Variants in HOOK3 observed in about 807,000 individuals in gnomAD.
HOOK3 encodes the protein protein Hook homolog 3.
A neutral mutation model predicts 116.3 loss-of-function variants in HOOK3; 24 were observed. The ratio of observed to expected loss-of-function variants is 0.21; its 90% CI spans 0.15 to 0.29. The LOEUF is 0.29. Among genes scored for constraint, HOOK3 ranks in the 10% least tolerant of loss-of-function variants. HOOK3 has a pLI of 1.00. For synonymous variants in HOOK3, 275 were observed against 283.0 expected (o/e 0.97, Z 0.28); for missense variants, 632 against 830.2 (o/e 0.76, Z 2.93).
rs1808663923 is a variant in HOOK3 at position 42,968,111 on chromosome 8, T to C, written c.1019T>C (p.Leu340Ser). The C allele has an allele frequency of 6.2e-7, 1 of 1,612,604 alleles. No individual in the cohort carries two copies. The highest frequency in any genetic ancestry group is 1.7e-5 in the Admixed American group (1 of 59,990). ...LGDLRRQVKL[L>S]EEKNTMYMQN... ...GATTTAAGGCGGCAGGTTAAACTCT[T>C]AGAAGAGAAGAATACCATGTATATG... The change falls in exon 11 of 22, where the codon TTA (leucine) becomes TCA (serine). Residue 340 changes from leucine (L) to serine (S), a missense_variant. Transcript: ENST00000307602.
At chr8:42,999,563 A>G (rs1354649269) in intron 16 of HOOK3, among the ~76,000 whole-genome samples, 1 of 151,852 alleles carries the variant, frequency 6.6e-6, no homozygotes, top group African/African-American at 2.4e-5. Context: ...TGTGCAACAC[A>G]TAAAGCAACC....
intron 15 of HOOK3, among the ~76,000 whole-genome samples, chr8:42,996,894 C>CT (rs60094537): frequency 0.12 from 9,438 of 77,742 alleles, 3,122 homozygotes; most frequent in Non-Finnish European, 0.2. Flanking sequence ...GGGCAGGGAT[C>CT]TTTTTTTTTT....
chr8:42,976,081 T>TA (rs1397516974), intron 13 of HOOK3, among the ~76,000 whole-genome samples: 2 of 152,084 alleles, frequency 1.3e-5, no homozygotes, highest in South Asian at 2.1e-4. Context: ...TGTATATATA[T>TA]TTTTTAATCC....
Position 42,943,379 on chromosome 8 carries a change from G to A in HOOK3, c.334G>A (p.Ala112Thr). Reference protein sequence around the residue: ...DVNLIGEHSDAAELGRMLQLI... With the variant: ...DVNLIGEHSDTAELGRMLQLI... ...GAACCTTATTGGGGAGCATTCTGATGCAGCAGAGCTTGGAAGGATGCTTCA... is the reference window on the plus strand; with the variant it reads ...GAACCTTATTGGGGAGCATTCTGATACAGCAGAGCTTGGAAGGATGCTTCA... Residue 112 changes from alanine to threonine, a missense_variant, in exon 5 of 22, where the codon GCA (alanine) becomes ACA (threonine). Ala to Thr is a moderately conservative substitution (Grantham distance 58, BLOSUM62 0). Coordinates refer to ENST00000307602, the MANE Select transcript of HOOK3 (RefSeq NM_032410.4). 6.4e-7 allele frequency: 1 copy of A among 1,568,270 alleles called. No homozygotes were observed. Among genetic ancestry groups the A allele is most frequent in the Non-Finnish European group, 8.7e-7 (1 of 1,155,636 alleles).
rs1303037406 is a variant in HOOK3, at chr8:43,020,823, A to G, written c.*2325A>G. Reference sequence around the variant, plus strand: ...AATATGATGGATGAAAACAACAGCCAGGTGCAGTGGCTCACGCGTATAATC... The same window carrying G: ...AATATGATGGATGAAAACAACAGCCGGGTGCAGTGGCTCACGCGTATAATC... On this transcript the variant is annotated 3_prime_UTR_variant, in exon 22 of 22. Transcript: ENST00000307602. The G allele has an allele frequency of 1.6e-5, 3 of 184,396 alleles. No homozygotes were observed. The highest frequency in any genetic ancestry group is 7.0e-5 in the African/African-American group (3 of 42,556). 11.4% of individuals were successfully genotyped at this position (184,396 alleles called of 1,614,324 possible). A position where few individuals can be genotyped will look rare whatever the true frequency, so the allele number is the denominator to read the frequency against.
intron 9 of HOOK3, 63 bp downstream of exon 9, chr8:42,964,537 A>T: frequency 6.7e-7 from 1 of 1,495,382 alleles, no homozygotes; most frequent in Non-Finnish European, 9.2e-7. Flanking sequence ...TAAAGTTAAG[A>T]GTATATTGGC....
In HOOK3 at chr8:42,966,626, C is replaced by T. The variant is rs2130424195; in HGVS notation, c.920+13C>T. On this transcript the variant is annotated intron_variant, in intron 10 of 21. Transcript: ENST00000307602. ...TCGACGTGCTGAGGTAAAAACCTCA[C>T]CTTCACCGCCCAGCACAGTTTGGCT... is the stretch of plus-strand genomic sequence containing the variant. The T allele has an allele frequency of 6.2e-7, 1 of 1,613,316 alleles. No individual in the cohort carries two copies. The highest frequency in any genetic ancestry group is 1.1e-5 in the South Asian group (1 of 91,018).
chr8:42,971,253 T>TTTTTTG (rs910475931), intron 11 of HOOK3, among the ~76,000 whole-genome samples: 45 of 152,236 alleles, frequency 3.0e-4, no homozygotes, highest in Admixed American at 6.5e-5. Context: ...ATGTTGTGTG[T>TTTTTTG]TTTTTGTTTT....
At chr8:42,973,082 A>G (rs540451967) in intron 11 of HOOK3, among the ~76,000 whole-genome samples, 15 of 152,354 alleles carry the variant, frequency 9.8e-5, no homozygotes, top group Middle Eastern at 3.4e-3. Context: ...GATTTTGAAC[A>G]TTGTTACACT....
At chr8:42,996,590 C>G (rs1258785170) in intron 15 of HOOK3, among the ~76,000 whole-genome samples, 1 of 152,040 alleles carries the variant, frequency 6.6e-6, no homozygotes, top group Non-Finnish European at 1.5e-5. Context: ...CTTTCTTCCT[C>G]TCATAACATA....
chr8:42,919,503 C>T (rs1167031870), intron 2 of HOOK3, among the ~76,000 whole-genome samples: 12 of 152,000 alleles, frequency 7.9e-5, no homozygotes, highest in Non-Finnish European at 1.3e-4. Context: ...AGACGATGGG[C>T]GGCCAGGCAG....
intron 17 of HOOK3, among the ~76,000 whole-genome samples, chr8:43,005,227 T>G (rs563829638): frequency 1.5e-5 from 2 of 133,120 alleles, no homozygotes; most frequent in African/African-American, 6.4e-5. Flanking sequence ...TTTTTTTTTT[T>G]TTTTTTTTTT....
In HOOK3 at chr8:42,928,884, A is replaced by C. The variant is rs1807820323; in HGVS notation, c.217-1238A>C. ...TGGTGAAACCCCGTCTCTACTAAAA[A>C]TACAAAAATTAGCCAGGTGTGGTGG... On this transcript the variant is annotated intron_variant, in intron 3 of 21. Coordinates refer to ENST00000307602, the MANE Select transcript of HOOK3 (RefSeq NM_032410.4). 2.6e-5 allele frequency among the ~76,000 whole-genome samples: 4 copies of C among 152,246 alleles called. No individual in the cohort carries two copies. In the South Asian group the frequency reaches 8.3e-4, roughly 32 times the overall value.
intron 14 of HOOK3, among the ~76,000 whole-genome samples, chr8:42,984,987 A>G (rs769973501): frequency 6.6e-6 from 1 of 152,028 alleles, no homozygotes; most frequent in Non-Finnish European, 1.5e-5. Context: ...CTCTGTGTCC[A>G]GAAGAGAGCT....
chr8:42,957,826 C>CTTTTTTTTTTTTTTTTTTTTTTTTT (rs11383704), intron 7 of HOOK3, among the ~76,000 whole-genome samples: 1 of 135,290 alleles, frequency 7.4e-6, no homozygotes, highest in African/African-American at 2.8e-5. Context: ...ATATCTCTTC[C>CTTTTTTTTTTTTTTTTTTTTTTTTT]TTTTTTTTTT....
intron 2 of HOOK3, among the ~76,000 whole-genome samples, chr8:42,908,381 C>G (rs1301300051): frequency 1.3e-5 from 2 of 152,158 alleles, no homozygotes; most frequent in African/African-American, 4.8e-5. Flanking sequence ...AAGAACAAAG[C>G]TGGAGAAATC....
At chr8:42,901,738 G>A (rs1807193716) in intron 1 of HOOK3, among the ~76,000 whole-genome samples, 1 of 152,172 alleles carries the variant, frequency 6.6e-6, no homozygotes, top group Admixed American at 6.5e-5. Flanking sequence ...TGGAGGTGGA[G>A]TCTTGCTCTG....
In HOOK3 at chr8:42,990,325, C is replaced by CTTTTTTTTT. The variant is rs59033055; in HGVS notation, c.1532+3559_1532+3567dup. On this transcript the variant is annotated intron_variant, in intron 15 of 21. Transcript: ENST00000307602. ...TTGAGAAATAAATATCTGTTTAGAT[C>CTTTTTTTTT]TTTTTTTTTTTTTTTTTTTTTTTTT... Among the ~76,000 whole-genome samples the CTTTTTTTTT allele has an allele frequency of 6.3e-4, 24 of 37,902 alleles. 4 individuals are homozygous for CTTTTTTTTT. Among genetic ancestry groups the CTTTTTTTTT allele is most frequent in the Non-Finnish European group, 1.1e-3 (21 of 18,928 alleles). 24.9% of individuals were successfully genotyped at this position (37,902 alleles called of 152,430 possible).
At chr8:43,012,404 A>T (rs1344615826) in intron 19 of HOOK3, among the ~76,000 whole-genome samples, 1 of 152,214 alleles carries the variant, frequency 6.6e-6, no homozygotes, top group Admixed American at 6.5e-5. Flanking sequence ...ATCTTACGGG[A>T]CCACCATCAT....
Sources: gnomAD v4.1 joint callset for allele counts (sites outside exome capture counted in the v4.1 genomes callset) on GRCh38, gnomAD v4.1.1 for gene constraint, MANE v1.5 for transcripts, NCBI Gene and HGNC (gene_info 2026-07-23, HGNC 2026-07-21) for gene names.